The following SEMA6D variants were observed in gnomAD, a reference collection of about 807,000 sequenced individuals.
SEMA6D encodes the protein semaphorin 6D.
In SEMA6D, 35 loss-of-function variants were observed where a neutral mutation model predicts 106.6. The observed-to-expected ratio is 0.33, with a 90% confidence interval of 0.25 to 0.44. SEMA6D has a LOEUF of 0.44. Among genes scored for constraint, SEMA6D ranks in the 20% least tolerant of loss-of-function variants. The probability of loss-of-function intolerance (pLI) is 1.00; values close to 1 mark genes in which losing one functional copy is unlikely to be tolerated. For missense variants in SEMA6D, 1,185 were observed against 1,345.9 expected (o/e 0.88, Z 1.87); for synonymous variants, 499 against 487.7 (o/e 1.02, Z -0.31).
At chr15:47,492,771 T>C (rs536461212) in intron 3 of SEMA6D, among the ~76,000 whole-genome samples, 9 of 152,264 alleles carry the variant, frequency 5.9e-5, no homozygotes, top group African/African-American at 1.9e-4. Context: ...CTATAACCGC[T>C]GCCCCTTAAA....
At chr15:47,601,231 C>T (rs982119930) in intron 4 of SEMA6D, among the ~76,000 whole-genome samples, 2 of 152,086 alleles carry the variant, frequency 1.3e-5, no homozygotes, top group Non-Finnish European at 2.9e-5. Context: ...TCTTTGTGAG[C>T]AGCTGTGACA....
At chr15:47,637,529 T>TG (rs1254435841) in intron 4 of SEMA6D, among the ~76,000 whole-genome samples, 1 of 152,158 alleles carries the variant, frequency 6.6e-6, no homozygotes, top group Non-Finnish European at 1.5e-5. Flanking sequence ...CTCAGGAGAT[T>TG]GGGGAACATT....
intron 1 of SEMA6D, among the ~76,000 whole-genome samples, chr15:47,385,038 G>A (rs2039781587): frequency 9.1e-6 from 1 of 109,866 alleles, no homozygotes; most frequent in South Asian, 2.5e-4. Flanking sequence ...CATGGAGCTG[G>A]ACTGTAATTT....
intron 3 of SEMA6D, among the ~76,000 whole-genome samples, chr15:47,498,547 T>G (rs904395393): frequency 1.2e-4 from 18 of 152,280 alleles, no homozygotes; most frequent in African/African-American, 4.1e-4. Flanking sequence ...TATAGATATG[T>G]GTATTATTTA....
chr15:47,335,649 G>T (rs2037523461), intron 1 of SEMA6D, among the ~76,000 whole-genome samples: 1 of 152,124 alleles, frequency 6.6e-6, no homozygotes, highest in South Asian at 2.1e-4. Flanking sequence ...CTGCAGAAAT[G>T]AACAACAGTT....
intron 4 of SEMA6D, among the ~76,000 whole-genome samples, chr15:47,656,838 G>A (rs1158808549): frequency 6.6e-6 from 1 of 152,192 alleles, no homozygotes; most frequent in African/African-American, 2.4e-5. Flanking sequence ...AGAGAGGATG[G>A]TGATCAGCAT....
At chr15:47,544,178 T>G (rs532143743) in intron 3 of SEMA6D, among the ~76,000 whole-genome samples, 1 of 152,306 alleles carries the variant, frequency 6.6e-6, no homozygotes, top group South Asian at 2.1e-4. Context: ...TTTGTAAAAT[T>G]AATTTTATTA....
At chr15:47,415,155 T>G (rs1224796855) in intron 2 of SEMA6D, among the ~76,000 whole-genome samples, 1 of 152,214 alleles carries the variant, frequency 6.6e-6, no homozygotes, top group Non-Finnish European at 1.5e-5. Flanking sequence ...TTACATTGAA[T>G]GAAGGCTTAC....
chr15:47,450,463 G>A (rs2042157156), intron 2 of SEMA6D, among the ~76,000 whole-genome samples: 1 of 152,050 alleles, frequency 6.6e-6, no homozygotes, highest in Non-Finnish European at 1.5e-5. Flanking sequence ...AGAGTTGTGT[G>A]TCCCTATGGC....
chr15:47,396,373 T>C (rs1287960409), intron 1 of SEMA6D: 1 of 152,730 alleles, frequency 6.5e-6, no homozygotes, highest in Non-Finnish European at 1.5e-5. Flanking sequence ...TGAAGTACCA[T>C]GATAGGCCGT....
chr15:47,226,605 G>A (rs1202521528), intron 1 of SEMA6D, among the ~76,000 whole-genome samples: 1 of 152,076 alleles, frequency 6.6e-6, no homozygotes, highest in African/African-American at 2.4e-5. Context: ...CAGTGGATGA[G>A]TCAATGACCA....
chr15:47,471,931 T>TCACACACACA lies in SEMA6D; in HGVS notation c.-87+1420_-87+1429dup, dbSNP rs1168586101. ...CTCTCTCTCTCTCTCTCTCTCTCTC[T>TCACACACACA]CACACACACACACACACACACACAC... On this transcript the variant is annotated intron_variant, in intron 3 of 19. Transcript: ENST00000558014. 9.4e-3 allele frequency among the ~76,000 whole-genome samples: 1,144 copies of TCACACACACA among 121,454 alleles called. 14 individuals carry two copies. The highest frequency in any genetic ancestry group is 0.015 in the Admixed American group (184 of 11,920). 79.7% of individuals were successfully genotyped at this position (121,454 alleles called of 152,430 possible).
At chr15:47,255,552 G>A (rs367943691) in intron 1 of SEMA6D, among the ~76,000 whole-genome samples, 1 of 151,666 alleles carries the variant, frequency 6.6e-6, no homozygotes, top group East Asian at 1.9e-4. Context: ...CTACTTTTTT[G>A]ATATAGGAGA....
At chr15:47,476,379 A>G (rs959041271) in intron 3 of SEMA6D, among the ~76,000 whole-genome samples, 1 of 152,144 alleles carries the variant, frequency 6.6e-6, no homozygotes, top group Non-Finnish European at 1.5e-5. Flanking sequence ...GATGGACCTA[A>G]TTATTGTACT....
At chr15:47,225,165 A>T (rs547871604) in intron 1 of SEMA6D, among the ~76,000 whole-genome samples, 1 of 152,064 alleles carries the variant, frequency 6.6e-6, no homozygotes, top group East Asian at 1.9e-4. Flanking sequence ...TATTTCATAT[A>T]CACCCTGCCC....
At chr15:47,487,748 G>A (rs1567114728) in intron 3 of SEMA6D, among the ~76,000 whole-genome samples, 2 of 152,124 alleles carry the variant, frequency 1.3e-5, no homozygotes, top group African/African-American at 4.8e-5. Flanking sequence ...GTGCTTCACT[G>A]ACCATCCTTA....
chr15:47,741,373 G>A (rs921748186), intron 1 of SEMA6D, among the ~76,000 whole-genome samples: 18 of 152,220 alleles, frequency 1.2e-4, no homozygotes, highest in African/African-American at 2.2e-4. Context: ...CTAATTTTCC[G>A]GTCTGTGACA....
At chr15:47,330,745 T>G (rs2037311474) in intron 1 of SEMA6D, among the ~76,000 whole-genome samples, 1 of 152,114 alleles carries the variant, frequency 6.6e-6, no homozygotes, top group Admixed American at 6.5e-5. Flanking sequence ...ATCTCAGAGG[T>G]AGCCATGATT....
intron 3 of SEMA6D, among the ~76,000 whole-genome samples, chr15:47,485,510 G>C (rs1463455825): frequency 6.6e-6 from 1 of 152,050 alleles, no homozygotes; most frequent in Admixed American, 6.6e-5. Flanking sequence ...TGGTTTAATC[G>C]CAAATGAATA....
Sources: gnomAD v4.1 joint callset for allele counts (sites outside exome capture counted in the v4.1 genomes callset) on GRCh38, gnomAD v4.1.1 for gene constraint, MANE v1.5 for transcripts, NCBI Gene and HGNC (gene_info 2026-07-23, HGNC 2026-07-21) for gene names.